KCNJ6: variants seen among roughly 807,000 people sequenced by gnomAD.
The protein encoded by KCNJ6 is potassium inwardly rectifying channel subfamily J member 6, also known as G protein-activated inward rectifier potassium channel 2.
Under a neutral mutation model 34.2 loss-of-function variants are expected in KCNJ6, and 9 were observed. That is an observed-to-expected ratio of 0.26 (90% confidence interval 0.16 to 0.46). KCNJ6 has a LOEUF of 0.46. KCNJ6 is among the 20% of genes least tolerant of loss of function. The probability of loss-of-function intolerance (pLI) is 1.00; values close to 1 mark genes in which losing one functional copy is unlikely to be tolerated. For synonymous variants in KCNJ6, 196 were observed against 207.1 expected, an observed-to-expected ratio of 0.95 and a Z score of 0.46; for missense variants, 236 against 531.3, an observed-to-expected ratio of 0.44 and a Z score of 5.46.
At chr21:37,783,202 G>A (rs563745493) in intron 2 of KCNJ6, among the ~76,000 whole-genome samples, 1 of 152,334 alleles carries the variant, frequency 6.6e-6, no homozygotes, top group African/African-American at 2.4e-5. Flanking sequence ...GATGCACGCT[G>A]AGGGAGATGC....
At chr21:37,848,413 G>A (rs905532752) in intron 1 of KCNJ6, among the ~76,000 whole-genome samples, 6 of 152,142 alleles carry the variant, frequency 3.9e-5, no homozygotes, top group African/African-American at 9.7e-5. Context: ...GGGTGTGCTC[G>A]AAGGAGGTGA....
At chr21:37,859,578 T>C (rs2055584638) in intron 1 of KCNJ6, among the ~76,000 whole-genome samples, 1 of 142,044 alleles carries the variant, frequency 7.0e-6, no homozygotes. Context: ...CACTGGGTGT[T>C]GAGCAGCCCC....
intron 2 of KCNJ6, among the ~76,000 whole-genome samples, chr21:37,806,736 GAAC>G (rs943737333): frequency 2.6e-5 from 4 of 152,152 alleles, no homozygotes; most frequent in African/African-American, 4.8e-5. Context: ...GTGATCAATA[GAAC>G]AACGATAATA....
intron 1 of KCNJ6, among the ~76,000 whole-genome samples, chr21:37,900,513 C>G (rs141483412): frequency 6.2e-4 from 95 of 152,276 alleles, no homozygotes; most frequent in African/African-American, 2.1e-3. Context: ...AAGCCACATG[C>G]AATTTGCGTG....
chr21:37,784,078 C>G (rs1172335346), intron 2 of KCNJ6, among the ~76,000 whole-genome samples: 1 of 152,178 alleles, frequency 6.6e-6, no homozygotes, highest in Non-Finnish European at 1.5e-5. Flanking sequence ...TGAGCTGACT[C>G]CTACAGCTGT....
intron 3 of KCNJ6, among the ~76,000 whole-genome samples, chr21:37,703,019 G>A (rs2054699493): frequency 6.6e-6 from 1 of 152,190 alleles, no homozygotes; most frequent in Admixed American, 6.5e-5. Context: ...TGGCGAAGGA[G>A]AGGACAGGTG....
chr21:37,610,598 T>TA lies in KCNJ6; in HGVS notation c.*14560dup, dbSNP rs71328602. ...TGGGCAACAGAGTGAGACTCTGTCTTAAAAAAAAAAAAAAAAAAAAAAGGA... is the reference window on the plus strand; with the variant it reads ...TGGGCAACAGAGTGAGACTCTGTCTTAAAAAAAAAAAAAAAAAAAAAAAGGA... On this transcript the variant is annotated 3_prime_UTR_variant, in exon 4 of 4. Coordinates refer to ENST00000609713, the MANE Select transcript of KCNJ6 (RefSeq NM_002240.5). The TA allele has an allele frequency of 0.36, 27,610 of 77,460 alleles. 5,103 individuals carry two copies. Among genetic ancestry groups the TA allele is most frequent in the Middle Eastern group, 0.52 (58 of 112 alleles). The allele number at this position is 77,460 out of a possible 1,614,324, so 4.8% of individuals were successfully genotyped here.
chr21:37,858,476 GA>G, intron 1 of KCNJ6, among the ~76,000 whole-genome samples: 1 of 151,508 alleles, frequency 6.6e-6, no homozygotes, highest in South Asian at 2.1e-4. Context: ...TCCTGGAGGG[GA>G]AAAGGGGATT....
At chr21:37,903,402 T>C (rs1222503380) in intron 1 of KCNJ6, among the ~76,000 whole-genome samples, 1 of 152,222 alleles carries the variant, frequency 6.6e-6, no homozygotes, top group African/African-American at 2.4e-5. Context: ...TCCCCAGCCA[T>C]ATGCAACTGT....
rs559614361 is a variant in KCNJ6 at position 37,653,876 on chromosome 21, G to A, written c.947-28392C>T. 7.9e-5 allele frequency among the ~76,000 whole-genome samples: 12 copies of A among 152,222 alleles called. No individual in the cohort carries two copies. In the East Asian group the frequency reaches 2.3e-3, roughly 29 times the overall value. ...AGTTAGAGATGCATTCTTAGTTAGG[G>A]CAACCTCTAGAAAAATGGAGTGAAA... On this transcript the variant is annotated intron_variant, in intron 3 of 3. Coordinates refer to ENST00000609713, the MANE Select transcript of KCNJ6 (RefSeq NM_002240.5).
intron 1 of KCNJ6, among the ~76,000 whole-genome samples, chr21:37,903,331 C>A (rs1055898338): frequency 6.6e-6 from 1 of 152,180 alleles, no homozygotes; most frequent in African/African-American, 2.4e-5. Flanking sequence ...AGCTCTCTTG[C>A]CTGTCACCAT....
chr21:37,707,822 G>A (rs980876694), intron 3 of KCNJ6, among the ~76,000 whole-genome samples: 72 of 137,764 alleles, frequency 5.2e-4, no homozygotes, highest in African/African-American at 1.9e-3. Context: ...CCTGCTGTCC[G>A]CACTTGTATT....
In KCNJ6 at chr21:37,609,654, T is replaced by G. The variant is rs1466272465; in HGVS notation, c.*15505A>C. 6.6e-6 allele frequency: 1 copy of G among 152,228 alleles called. No individual in the cohort carries two copies. The highest frequency in any genetic ancestry group is 1.5e-5 in the Non-Finnish European group (1 of 68,044). The allele number at this position is 152,228 out of a possible 1,614,324, so 9.4% of individuals were successfully genotyped here. ...TAAAATAAAGCAGTAGTGCTACGGT[T>G]AAAATAAATCAGCTTAATTAAAATA... is the stretch of plus-strand genomic sequence containing the variant. On this transcript the variant is annotated 3_prime_UTR_variant, in exon 4 of 4. Transcript: ENST00000609713.
At chr21:37,628,672 A>G (rs1476610966) in intron 3 of KCNJ6, among the ~76,000 whole-genome samples, 3 of 152,204 alleles carry the variant, frequency 2.0e-5, no homozygotes, top group Non-Finnish European at 4.4e-5. Flanking sequence ...CCATTAATCT[A>G]TACATCTAAA....
intron 2 of KCNJ6, among the ~76,000 whole-genome samples, chr21:37,753,126 CA>C (rs751584211): frequency 4.6e-5 from 7 of 152,188 alleles, no homozygotes; most frequent in African/African-American, 7.2e-5. Flanking sequence ...CAGACATGTG[CA>C]CAGGGTGGCA....
chr21:37,857,479 T>C (rs1289322487), intron 1 of KCNJ6, among the ~76,000 whole-genome samples: 1 of 152,220 alleles, frequency 6.6e-6, no homozygotes, highest in Admixed American at 6.5e-5. Flanking sequence ...AATGCTCAGA[T>C]CTGCCATTTT....
At chr21:37,817,905 C>T (rs1388504759) in intron 2 of KCNJ6, among the ~76,000 whole-genome samples, 1 of 152,152 alleles carries the variant, frequency 6.6e-6, no homozygotes, top group Non-Finnish European at 1.5e-5. Flanking sequence ...GTCTGAATAT[C>T]ATTAACAGTT....
intron 3 of KCNJ6, among the ~76,000 whole-genome samples, chr21:37,647,348 G>T (rs563065185): frequency 6.6e-6 from 1 of 152,230 alleles, no homozygotes; most frequent in Non-Finnish European, 1.5e-5. Flanking sequence ...TCGGGATGGA[G>T]GGGAAGCTGT....
chr21:37,710,814 C>CA (rs2054747880), intron 3 of KCNJ6, among the ~76,000 whole-genome samples: 1 of 152,208 alleles, frequency 6.6e-6, no homozygotes, highest in African/African-American at 2.4e-5. Context: ...ACCACTATCT[C>CA]AAAATCGCCC....
Sources: gnomAD v4.1 joint callset for allele counts (sites outside exome capture counted in the v4.1 genomes callset) on GRCh38, gnomAD v4.1.1 for gene constraint, MANE v1.5 for transcripts, NCBI Gene and HGNC (gene_info 2026-07-23, HGNC 2026-07-21) for gene names.